RANBP2: variants seen among roughly 807,000 people sequenced by gnomAD.
The protein encoded by RANBP2 is RAN binding protein 2.
RANBP2 carries 57 observed loss-of-function variants against 303.6 expected under a neutral mutation model. The ratio of observed to expected loss-of-function variants is 0.19; its 90% confidence interval spans 0.15 to 0.23. The LOEUF is 0.23. RANBP2 is among the 10% of genes least tolerant of loss of function. The pLI is 1.00. For missense variants in RANBP2, 3,138 were observed against 3,780.8 expected (o/e 0.83, Z 4.46); for synonymous variants, 1,167 against 1,301.5 (o/e 0.90, Z 2.23).
chr2:108,931,094 C>A, the RANBP2 span: 1 of 1,414,448 alleles, frequency 7.1e-7, no homozygotes, highest in Non-Finnish European at 1.0e-6. Context: ...GGTCTGGCTA[C>A]CTTTATTTAA....
chr2:109,518,266 C>A, the RANBP2 span, among the ~76,000 whole-genome samples: 1 of 152,230 alleles, frequency 6.6e-6, no homozygotes, highest in South Asian at 2.1e-4. Context: ...TCCTCCTACA[C>A]AGGCCGGCCC....
At chr2:109,187,845 C>CT in the RANBP2 span, among the ~76,000 whole-genome samples, 71 of 152,340 alleles carry the variant, frequency 4.7e-4, 1 homozygote, top group African/African-American at 1.7e-3. Flanking sequence ...CCATTCTCAG[C>CT]TTATCAGCAC....
chr2:109,386,880 A>G, the RANBP2 span, among the ~76,000 whole-genome samples: 1 of 152,212 alleles, frequency 6.6e-6, no homozygotes, highest in Non-Finnish European at 1.5e-5. Flanking sequence ...TACAAAATCA[A>G]AAAAAATCTG....
the RANBP2 span, among the ~76,000 whole-genome samples, chr2:109,450,140 G>C: frequency 6.6e-6 from 1 of 152,242 alleles, no homozygotes; most frequent in Admixed American, 6.5e-5. Flanking sequence ...GAGGTCAGGA[G>C]TTTGAAACCA....
At chr2:109,326,155 T>G in the RANBP2 span, among the ~76,000 whole-genome samples, 2 of 152,376 alleles carry the variant, frequency 1.3e-5, no homozygotes, top group Non-Finnish European at 1.5e-5. Flanking sequence ...TTTATCTATC[T>G]GTTCTTGGTG....
At chr2:109,583,515 A>C in the RANBP2 span, among the ~76,000 whole-genome samples, 1 of 152,330 alleles carries the variant, frequency 6.6e-6, no homozygotes, top group East Asian at 1.9e-4. Flanking sequence ...TGTAGAGAAA[A>C]GGAAATGCTT....
the RANBP2 span, among the ~76,000 whole-genome samples, chr2:109,525,973 G>A: frequency 6.6e-6 from 1 of 152,138 alleles, no homozygotes; most frequent in Non-Finnish European, 1.5e-5. Context: ...GCAGCCCACT[G>A]TGGCCCAGTG....
At chr2:109,314,751 T>G in the RANBP2 span, among the ~76,000 whole-genome samples, 1 of 152,226 alleles carries the variant, frequency 6.6e-6, no homozygotes, top group Non-Finnish European at 1.5e-5. Context: ...AATTTCTTAT[T>G]CTGTAAATTA....
the RANBP2 span, among the ~76,000 whole-genome samples, chr2:109,031,716 T>C: frequency 1.3e-5 from 2 of 152,190 alleles, no homozygotes; most frequent in East Asian, 1.9e-4. Flanking sequence ...GGTGGCAACC[T>C]GGACGCGCTG....
chr2:108,918,000 C>CA, the RANBP2 span, among the ~76,000 whole-genome samples: 1 of 152,150 alleles, frequency 6.6e-6, no homozygotes, highest in South Asian at 2.1e-4. Context: ...ATCCCAGAAT[C>CA]ATACAAGTAT....
chr2:109,430,678 A>C, the RANBP2 span, among the ~76,000 whole-genome samples: 1 of 152,162 alleles, frequency 6.6e-6, no homozygotes, highest in African/African-American at 2.4e-5. Context: ...TATTTCCTCT[A>C]TGGTGATGGG....
chr2:108,763,552 A>C lies in RANBP2; in HGVS notation c.3013A>C (p.Asn1005His). The C allele has an allele frequency of 6.2e-7, 1 of 1,614,108 alleles. No homozygotes were observed. The highest frequency in any genetic ancestry group is 8.5e-7 in the Non-Finnish European group (1 of 1,179,994). Residue 1005 changes from asparagine to histidine, a missense_variant, in exon 20 of 29, where the codon AAT (asparagine) becomes CAT (histidine). Asn to His is a moderately conservative substitution (Grantham distance 68). Coordinates refer to ENST00000283195, the MANE Select transcript of RANBP2 (RefSeq NM_006267.5). Reference protein sequence around the residue: ...ESKTIEFGKTNFVQPMPGEGL... With the variant: ...ESKTIEFGKTHFVQPMPGEGL... Reference sequence around the variant, plus strand: ...TAAGACTATAGAATTTGGGAAAACTAATTTTGTTCAGCCCATGCCGGGTGA... The same window carrying C: ...TAAGACTATAGAATTTGGGAAAACTCATTTTGTTCAGCCCATGCCGGGTGA...
At chr2:108,922,903 A>T in the RANBP2 span, among the ~76,000 whole-genome samples, 1 of 152,208 alleles carries the variant, frequency 6.6e-6, no homozygotes, top group African/African-American at 2.4e-5. Flanking sequence ...AACTCCTGAG[A>T]CTGTTTACAT....
the RANBP2 span, among the ~76,000 whole-genome samples, chr2:109,299,366 A>G: frequency 6.6e-6 from 1 of 151,790 alleles, no homozygotes; most frequent in Non-Finnish European, 1.5e-5. Context: ...CTGTGACCAC[A>G]TATTCCAGAA....
chr2:109,064,491 G>C, the RANBP2 span, among the ~76,000 whole-genome samples: 1 of 143,392 alleles, frequency 7.0e-6, no homozygotes, highest in Admixed American at 7.0e-5. Flanking sequence ...ACTGGTAAAT[G>C]GCAGAGCTTT....
the RANBP2 span, among the ~76,000 whole-genome samples, chr2:109,272,492 G>A: frequency 5.3e-4 from 80 of 152,284 alleles, no homozygotes; most frequent in African/African-American, 1.7e-3. Flanking sequence ...AGCCCCCTTC[G>A]CCTCTAACTG....
the RANBP2 span, among the ~76,000 whole-genome samples, chr2:109,666,756 A>G: frequency 6.6e-6 from 1 of 152,232 alleles, no homozygotes; most frequent in Non-Finnish European, 1.5e-5. Context: ...CTAGATTATT[A>G]TACTCATTAG....
the RANBP2 span, among the ~76,000 whole-genome samples, chr2:109,034,659 C>T: frequency 3.5e-4 from 54 of 152,342 alleles, no homozygotes; most frequent in African/African-American, 1.3e-3. Context: ...TCTTCATCAT[C>T]CTGTACTCCT....
At chr2:109,674,344 C>A in the RANBP2 span, among the ~76,000 whole-genome samples, 3 of 135,260 alleles carry the variant, frequency 2.2e-5, no homozygotes, top group Non-Finnish European at 4.6e-5. Flanking sequence ...GAGGGTGAGG[C>A]ATGAAGATCG....
Sources: gnomAD v4.1 joint callset for allele counts (sites outside exome capture counted in the v4.1 genomes callset) on GRCh38, gnomAD v4.1.1 for gene constraint, MANE v1.5 for transcripts, NCBI Gene and HGNC (gene_info 2026-07-23, HGNC 2026-07-21) for gene names.